SGCZ: variants seen among roughly 807,000 people sequenced by gnomAD.
SGCZ encodes the protein zeta-sarcoglycan.
SGCZ carries 40 observed loss-of-function variants against 41.3 expected under a neutral mutation model. The observed-to-expected ratio is 0.97, with a 90% confidence interval of 0.75 to 1.26. SGCZ has a LOEUF of 1.26. SGCZ is among the 50% of genes most tolerant of loss of function. The pLI is 0.00. For missense variants in SGCZ, 552 were observed against 369.8 expected (o/e 1.49, Z -4.04); for synonymous variants, 206 against 137.5 (o/e 1.50, Z -3.49).
At position 14,621,615 on chromosome 8, in the gene SGCZ, T is replaced by C. The variant is rs116575483; in HGVS notation, c.40-66689A>G. On this transcript the variant is annotated intron_variant, in intron 1 of 7. Coordinates refer to ENST00000382080, the MANE Select transcript of SGCZ (RefSeq NM_139167.4). ...AGAAAATTACAATCATGGCAGAAGG[T>C]GAAGGGGAGGCTTATACATCTTCAC... 5.3e-3 allele frequency among the ~76,000 whole-genome samples: 802 copies of C among 151,830 alleles called. 7 individuals are homozygous for C. The highest frequency in any genetic ancestry group is 0.018 in the African/African-American group (757 of 41,378).
intron 1 of SGCZ, among the ~76,000 whole-genome samples, chr8:14,882,855 G>A (rs1279297859): frequency 6.6e-6 from 1 of 151,982 alleles, no homozygotes; most frequent in Non-Finnish European, 1.5e-5. Flanking sequence ...GACTCCAAAT[G>A]TGACTTTGTT....
At chr8:14,724,695 A>C (rs1402440418) in intron 1 of SGCZ, among the ~76,000 whole-genome samples, 1 of 149,620 alleles carries the variant, frequency 6.7e-6, no homozygotes, top group African/African-American at 2.5e-5. Context: ...AGTGATATAT[A>C]TATATGCATA....
chr8:15,029,733 A>G (rs1803589765), intron 1 of SGCZ, among the ~76,000 whole-genome samples: 2 of 152,114 alleles, frequency 1.3e-5, no homozygotes, highest in African/African-American at 2.4e-5. Flanking sequence ...AAGTTTATCA[A>G]TTTTTGATTA....
chr8:14,381,719 G>C (rs966643099), intron 2 of SGCZ, among the ~76,000 whole-genome samples: 1 of 151,760 alleles, frequency 6.6e-6, no homozygotes, highest in Non-Finnish European at 1.5e-5. Flanking sequence ...CCAGGAGGTC[G>C]AGGCTGCAGT....
intron 1 of SGCZ, among the ~76,000 whole-genome samples, chr8:14,664,285 G>A (rs1213288505): frequency 1.3e-5 from 2 of 152,166 alleles, no homozygotes; most frequent in African/African-American, 4.8e-5. Context: ...CAAGCCTGCT[G>A]AACTGAGCCA....
At chr8:14,354,798 A>G (rs1456283289) in intron 2 of SGCZ, among the ~76,000 whole-genome samples, 1 of 151,838 alleles carries the variant, frequency 6.6e-6, no homozygotes, top group Non-Finnish European at 1.5e-5. Context: ...TTAAATTCTC[A>G]TAATTTGTAT....
At chr8:14,831,621 C>T (rs1055359637) in intron 1 of SGCZ, among the ~76,000 whole-genome samples, 6 of 142,146 alleles carry the variant, frequency 4.2e-5, no homozygotes, top group African/African-American at 1.1e-4. Flanking sequence ...TGTGTGTACA[C>T]ATAGACACAT....
intron 2 of SGCZ, among the ~76,000 whole-genome samples, chr8:14,471,474 A>C (rs1054352097): frequency 9.9e-5 from 15 of 152,136 alleles, no homozygotes; most frequent in African/African-American, 3.1e-4. Context: ...ACAACATCCA[A>C]TTATTCTGAT....
intron 1 of SGCZ, among the ~76,000 whole-genome samples, chr8:15,116,593 G>C (rs1807278314): frequency 6.6e-6 from 1 of 152,194 alleles, no homozygotes; most frequent in Non-Finnish European, 1.5e-5. Context: ...TGGCAGGACA[G>C]AAGGCTGACA....
rs184477954 is a variant in SGCZ, at chr8:15,208,376, T to A, written c.39+29209A>T. On this transcript the variant is annotated intron_variant, in intron 1 of 7. Transcript: ENST00000382080. ...ACGCATCCAAATAATATGCTGGTAA[T>A]CTGTTCTAATGACTCTTTTATATTT... Among the ~76,000 whole-genome samples, 45 of 152,306 alleles carry A rather than the reference T, an allele frequency of 3.0e-4. 1 individual carries two copies. The highest frequency in any genetic ancestry group is 1.2e-3 in the Admixed American group (19 of 15,298).
chr8:14,499,221 T>C (rs1404885023), intron 2 of SGCZ, among the ~76,000 whole-genome samples: 1 of 152,064 alleles, frequency 6.6e-6, no homozygotes, highest in Non-Finnish European at 1.5e-5. Flanking sequence ...TTTTACTTTA[T>C]ATATGCAAGT....
At chr8:14,211,239 T>A (rs1585235864) in intron 4 of SGCZ, among the ~76,000 whole-genome samples, 1 of 152,280 alleles carries the variant, frequency 6.6e-6, no homozygotes, top group East Asian at 1.9e-4. Context: ...GTCTGCTTTC[T>A]GTGCTCCTGG....
chr8:14,916,750 AACTAGTCCC>A (rs1324091391), intron 1 of SGCZ, among the ~76,000 whole-genome samples: 3 of 152,184 alleles, frequency 2.0e-5, no homozygotes, highest in Non-Finnish European at 4.4e-5. Context: ...GTTATTGTGT[AACTAGTCCC>A]ACATATGCAT....
intron 2 of SGCZ, among the ~76,000 whole-genome samples, chr8:14,551,263 G>A (rs1803800171): frequency 6.9e-6 from 1 of 145,464 alleles, no homozygotes; most frequent in Admixed American, 7.2e-5. Context: ...TAGAATGAGT[G>A]TTGACGCTAG....
chr8:14,687,879 T>C (rs1296311624), intron 1 of SGCZ, among the ~76,000 whole-genome samples: 3 of 152,306 alleles, frequency 2.0e-5, no homozygotes, highest in African/African-American at 7.2e-5. Context: ...TTTTTAATGA[T>C]TGTCATTCTA....
At chr8:14,696,056 T>C (rs186553816) in intron 1 of SGCZ, among the ~76,000 whole-genome samples, 66 of 152,228 alleles carry the variant, frequency 4.3e-4, no homozygotes, top group South Asian at 1.4e-3. Flanking sequence ...GGGACAAATA[T>C]TGGTTTTGTA....
At chr8:14,519,886 C>A (rs1802739344) in intron 2 of SGCZ, among the ~76,000 whole-genome samples, 1 of 152,110 alleles carries the variant, frequency 6.6e-6, no homozygotes, top group African/African-American at 2.4e-5. Flanking sequence ...ACACTTCAAC[C>A]TTAACCTCTG....
At chr8:14,818,950 G>A (rs1187640346) in intron 1 of SGCZ, among the ~76,000 whole-genome samples, 1 of 151,984 alleles carries the variant, frequency 6.6e-6, no homozygotes, top group Admixed American at 6.6e-5. Flanking sequence ...TATTCCAGTT[G>A]TAGAAGAGAT....
intron 2 of SGCZ, among the ~76,000 whole-genome samples, chr8:14,382,217 C>A (rs561976554): frequency 1.3e-5 from 2 of 152,264 alleles, no homozygotes; most frequent in South Asian, 4.1e-4. Flanking sequence ...TCATCACCCC[C>A]TTGAGCTCTT....
Sources: gnomAD v4.1 joint callset for allele counts (sites outside exome capture counted in the v4.1 genomes callset) on GRCh38, gnomAD v4.1.1 for gene constraint, MANE v1.5 for transcripts, NCBI Gene and HGNC (gene_info 2026-07-23, HGNC 2026-07-21) for gene names.